Variants in PPCDC observed in about 807,000 individuals in gnomAD.
PPCDC encodes phosphopantothenoylcysteine decarboxylase.
In PPCDC, 20 loss-of-function variants were observed where a neutral mutation model predicts 20.7. The observed-to-expected ratio is 0.97, with a 90% CI of 0.68 to 1.41. PPCDC has a LOEUF of 1.41. Ranked by LOEUF, PPCDC falls within the 40% of genes most tolerant of loss-of-function variation. The probability of loss-of-function intolerance (pLI) is 0.00; values close to 1 mark genes in which losing one functional copy is unlikely to be tolerated. For synonymous variants in PPCDC, 88 were observed against 100.3 expected, an observed-to-expected ratio of 0.88 and a Z score of 0.73; for missense variants, 246 against 263.8, an observed-to-expected ratio of 0.93 and a Z score of 0.47.
chr15:75,029,783 C>T (rs1436429003), intron 2 of PPCDC, among the ~76,000 whole-genome samples: 1 of 152,114 alleles, frequency 6.6e-6, no homozygotes, highest in Non-Finnish European at 1.5e-5. Flanking sequence ...AGGCCTCTGC[C>T]ACCACCCCCT....
At chr15:75,036,283 A>G (rs1012560696) in intron 2 of PPCDC, among the ~76,000 whole-genome samples, 1 of 152,240 alleles carries the variant, frequency 6.6e-6, no homozygotes, top group African/African-American at 2.4e-5. Flanking sequence ...TAATGTGTAC[A>G]GGGCCCAGCC....
rs770464746 is a variant in PPCDC, at chr15:75,050,142, T to A, written c.*907T>A. ...ATATGCCAGAGAGCTTTCCTAGCAT[T>A]TACTGCAATGCCCTGTCTCATTTTG... On this transcript the variant is annotated 3_prime_UTR_variant, in exon 6 of 6. Transcript: ENST00000342932. 1.3e-5 allele frequency: 2 copies of A among 152,210 alleles called. No individual in the cohort carries two copies. The highest frequency in any genetic ancestry group is 2.9e-5 in the Non-Finnish European group (2 of 68,018). The allele number at this position is 152,210 out of a possible 1,614,324, so 9.4% of individuals were successfully genotyped here. A position where few individuals can be genotyped will look rare whatever the true frequency, so the allele number is the denominator to read the frequency against.
intron 2 of PPCDC, among the ~76,000 whole-genome samples, chr15:75,039,788 GT>G (rs34584428): frequency 1.1e-3 from 151 of 142,726 alleles, no homozygotes; most frequent in Non-Finnish European, 1.6e-3. Flanking sequence ...TTCTTTCTTT[GT>G]TTTTTTTTTT....
intron 1 of PPCDC, among the ~76,000 whole-genome samples, chr15:75,027,670 C>T (rs1389308652): frequency 6.6e-6 from 1 of 152,208 alleles, no homozygotes; most frequent in African/African-American, 2.4e-5. Context: ...TCCAGTCTCT[C>T]CACTAACAGG....
In PPCDC at chr15:75,035,121, C is replaced by T. The variant is rs555945627; in HGVS notation, c.135+6668C>T. Among the ~76,000 whole-genome samples, 27 of 152,310 alleles carry T rather than the reference C, an allele frequency of 1.8e-4. No homozygotes were observed. The East Asian group carries it at 3.1e-3, about 17-fold the overall frequency. On this transcript the variant is annotated intron_variant, in intron 2 of 5. Coordinates refer to ENST00000342932, the MANE Select transcript of PPCDC (RefSeq NM_021823.5). ...ATGTGGCCAGTGCTGCCACACCCTACGGCACAGGTAGGGCCGTTCCCATCA... is the reference window on the plus strand; with the variant it reads ...ATGTGGCCAGTGCTGCCACACCCTATGGCACAGGTAGGGCCGTTCCCATCA...
chr15:75,042,503 A>G (rs1435436457), intron 2 of PPCDC, among the ~76,000 whole-genome samples: 2 of 151,946 alleles, frequency 1.3e-5, no homozygotes, highest in Non-Finnish European at 2.9e-5. Context: ...AAACACAAAA[A>G]TTAGCCAGGC....
intron 2 of PPCDC, among the ~76,000 whole-genome samples, chr15:75,032,163 C>A (rs1414112102): frequency 6.6e-6 from 1 of 152,200 alleles, no homozygotes; most frequent in Non-Finnish European, 1.5e-5. Context: ...TTCATCCACA[C>A]CCTTCAAACT....
At chr15:75,035,386 G>A (rs1006573679) in intron 2 of PPCDC, among the ~76,000 whole-genome samples, 1 of 152,116 alleles carries the variant, frequency 6.6e-6, no homozygotes, top group Non-Finnish European at 1.5e-5. Flanking sequence ...GCCTCTCCAC[G>A]AGTTCCTTTG....
rs2066290901 is a variant in PPCDC, at chr15:75,049,830, A to C, written c.*595A>C. On this transcript the variant is annotated 3_prime_UTR_variant, in exon 6 of 6. Coordinates refer to ENST00000342932, the MANE Select transcript of PPCDC (RefSeq NM_021823.5). The stretch of plus-strand genomic sequence containing the variant: ...TGTGGCTGGGGAAGGGTCTGGGTTC[A>C]CAACTCACCGGCACTCTTTAGTCCC... 1 of 152,700 alleles carries C rather than the reference A, an allele frequency of 6.5e-6. No individual in the cohort carries two copies. Among genetic ancestry groups the C allele is most frequent in the African/African-American group, 2.4e-5 (1 of 41,426 alleles). 9.5% of individuals were successfully genotyped at this position (152,700 alleles called of 1,614,324 possible). A position where few individuals can be genotyped will look rare whatever the true frequency, so the allele number is the denominator to read the frequency against.
chr15:75,046,824 G>A (rs1044755188), intron 4 of PPCDC, among the ~76,000 whole-genome samples: 4 of 152,242 alleles, frequency 2.6e-5, no homozygotes, highest in African/African-American at 7.2e-5. Flanking sequence ...CTCCAGGCCC[G>A]TGTCCCTCTG....
intron 2 of PPCDC, among the ~76,000 whole-genome samples, chr15:75,043,042 C>T (rs1045332221): frequency 2.0e-5 from 3 of 152,266 alleles, no homozygotes; most frequent in Non-Finnish European, 4.4e-5. Context: ...GAACTCAGGA[C>T]CTATGAGCCT....
rs904841226 is a variant in PPCDC, at chr15:75,049,255, G to A, written c.*20G>A. The A allele has an allele frequency of 6.2e-7, 1 of 1,607,564 alleles. No homozygotes were observed. The highest frequency in any genetic ancestry group is 8.5e-7 in the Non-Finnish European group (1 of 1,174,166). ...AGTTGACCTGGGATTTCTGTCATGG[G>A]TGTCCCTCTGTACTCAGAATGGGTT... On this transcript the variant is annotated 3_prime_UTR_variant, in exon 6 of 6. Coordinates refer to ENST00000342932, the MANE Select transcript of PPCDC (RefSeq NM_021823.5).
intron 4 of PPCDC, among the ~76,000 whole-genome samples, chr15:75,048,266 G>A (rs1430154483): frequency 6.6e-6 from 1 of 152,208 alleles, no homozygotes; most frequent in African/African-American, 2.4e-5. Flanking sequence ...TTCCCAGGAG[G>A]TGTGAGCCTA....
At chr15:75,031,485 G>A (rs1039329850) in intron 2 of PPCDC, among the ~76,000 whole-genome samples, 3 of 152,046 alleles carry the variant, frequency 2.0e-5, no homozygotes, top group Admixed American at 6.6e-5. Context: ...TGAGGCGGGC[G>A]GATCACTTGA....
chr15:75,044,080 G>A (rs2066192111), intron 3 of PPCDC, among the ~76,000 whole-genome samples: 1 of 133,672 alleles, frequency 7.5e-6, no homozygotes. Flanking sequence ...CACTGGCTTG[G>A]ACAACCCAAG....
chr15:75,048,073 A>T (rs1238373198), intron 4 of PPCDC, among the ~76,000 whole-genome samples: 1 of 152,178 alleles, frequency 6.6e-6, no homozygotes, highest in Admixed American at 6.5e-5. Flanking sequence ...ATAAGGTCTC[A>T]GTGAGGGTTA....
chr15:75,043,214 C>T, intron 2 of PPCDC: 1 of 476,556 alleles, frequency 2.1e-6, no homozygotes, highest in South Asian at 2.8e-5. Context: ...CTCAGCAGCC[C>T]CTCAGATAGG....
At chr15:75,023,858 CGAGCCCT>C (rs1170847918) in intron 1 of PPCDC, among the ~76,000 whole-genome samples, 1 of 152,186 alleles carries the variant, frequency 6.6e-6, no homozygotes, top group Non-Finnish European at 1.5e-5. Flanking sequence ...GAGGGACCCC[CGAGCCCT>C]GAGTGGAGGG....
At chr15:75,033,332 CT>C (rs1210093455) in intron 2 of PPCDC, among the ~76,000 whole-genome samples, 13 of 152,306 alleles carry the variant, frequency 8.5e-5, no homozygotes, top group African/African-American at 2.9e-4. Context: ...TTGCCGACCC[CT>C]GGTATGCAGC....
Sources: allele counts gnomAD v4.1 joint callset (sites outside exome capture counted in the v4.1 genomes callset), GRCh38; gene constraint gnomAD v4.1.1; transcripts MANE v1.5; gene names NCBI Gene and HGNC (gene_info 2026-07-23, HGNC 2026-07-21).